TMEM265: variants seen among roughly 807,000 people sequenced by gnomAD.
The protein encoded by TMEM265 is transmembrane protein 265.
In TMEM265, 8 loss-of-function variants were observed where a neutral mutation model predicts 9.5. The ratio of observed to expected loss-of-function variants is 0.84; its 90% confidence interval spans 0.49 to 1.52. The LOEUF (loss-of-function observed/expected upper bound fraction) is 1.52, where lower values mean the gene tolerates loss of function less well. TMEM265 is among the 40% of genes most tolerant of loss of function. The probability of loss-of-function intolerance (pLI) is 0.00; values close to 1 mark genes in which losing one functional copy is unlikely to be tolerated. For missense variants in TMEM265, 152 were observed against 146.2 expected (o/e 1.04, Z -0.21); for synonymous variants, 53 against 56.9 (o/e 0.93, Z 0.31).
chr16:30,742,984 A>C (rs779285144), intron 2 of TMEM265, among the ~76,000 whole-genome samples: 2 of 152,150 alleles, frequency 1.3e-5, no homozygotes, highest in Non-Finnish European at 2.9e-5. Context: ...TACACAGGCT[A>C]ACTTAAACTT....
At chr16:30,741,671 G>A in intron 1 of TMEM265, 70 bp from the exon 2 acceptor site, 1 of 1,445,552 alleles carries the variant, frequency 6.9e-7, no homozygotes, top group Non-Finnish European at 9.2e-7. Context: ...TCTGAGAGGG[G>A]TGGAGTCTGA....
Position 30,744,463 on chromosome 16 carries a change from G to GTACGT in TMEM265, c.*521_*525dup, listed in dbSNP as rs1344669921. 1 of 152,086 alleles carries GTACGT rather than the reference G, an allele frequency of 6.6e-6. No individual in the cohort carries two copies. Among genetic ancestry groups the GTACGT allele is most frequent in the Non-Finnish European group, 1.5e-5 (1 of 68,060 alleles). The allele number at this position is 152,086 out of a possible 1,614,324, so 9.4% of individuals were successfully genotyped here. A position where few individuals can be genotyped will look rare whatever the true frequency, so the allele number is the denominator to read the frequency against. On this transcript the variant is annotated 3_prime_UTR_variant, in exon 3 of 3. Coordinates refer to ENST00000615541, the MANE Select transcript of TMEM265 (RefSeq NM_001256829.2). ...TTGGAAAGACCCCAGCTTCTCCCTTGTACGTCCACAGAGACTCTGAGGCCA... is the reference window on the plus strand; with the variant it reads ...TTGGAAAGACCCCAGCTTCTCCCTTGTACGTTACGTCCACAGAGACTCTGAGGCCA...
Position 30,744,012 on chromosome 16 carries a change from C to A in TMEM265, c.*69C>A. ...CCTGCAATGCGGCATTGCTAAGGTCCTGTGACAGCAGTGGTTGGAAGGATC... is the reference window on the plus strand; with the variant it reads ...CCTGCAATGCGGCATTGCTAAGGTCATGTGACAGCAGTGGTTGGAAGGATC... On this transcript the variant is annotated 3_prime_UTR_variant, in exon 3 of 3. Coordinates refer to ENST00000615541, the MANE Select transcript of TMEM265 (RefSeq NM_001256829.2). The A allele has an allele frequency of 6.8e-7, 1 of 1,466,514 alleles. No homozygotes were observed. Among genetic ancestry groups the A allele is most frequent in the Non-Finnish European group, 9.1e-7 (1 of 1,104,306 alleles). The allele number at this position is 1,466,514 out of a possible 1,614,324, so 90.8% of individuals were successfully genotyped here.
At chr16:30,743,247 G>A (rs569142655) in intron 2 of TMEM265, among the ~76,000 whole-genome samples, 14 of 152,100 alleles carry the variant, frequency 9.2e-5, no homozygotes, top group Non-Finnish European at 1.8e-4. Context: ...TTAGCTGGGC[G>A]TGGTGGCACG....
rs1244931849 is a variant in TMEM265, at chr16:30,741,889, C to T, written c.146C>T (p.Ala49Val). The change falls in exon 2 of 3, where the codon GCT becomes GTT. Residue 49 changes from alanine to valine, a missense_variant. Physicochemically the swap from Ala to Val is moderately conservative, Grantham distance 64. Transcript: ENST00000615541. ...GGCTGCTCTTGCCTGGGAGTCATGG[C>T]TCTGGTGTTTGCCATCAAGGTGAGG... Reference protein sequence around the residue: ...ICGCSCLGVMALVFAIKAEER... With the variant: ...ICGCSCLGVMVLVFAIKAEER... 7 of 1,533,786 alleles carry T rather than the reference C, an allele frequency of 4.6e-6. No homozygotes were observed. The East Asian group carries it at 1.2e-4, about 27-fold the overall frequency.
At chr16:30,741,671 G>C (rs566744857) in intron 1 of TMEM265, 70 bp from the exon 2 acceptor site, 2 of 1,445,552 alleles carry the variant, frequency 1.4e-6, no homozygotes, top group Non-Finnish European at 1.8e-6. Context: ...TCTGAGAGGG[G>C]TGGAGTCTGA....
Position 30,744,162 on chromosome 16 carries a change from C to A in TMEM265, c.*219C>A. On this transcript the variant is annotated 3_prime_UTR_variant, in exon 3 of 3. Coordinates refer to ENST00000615541, the MANE Select transcript of TMEM265 (RefSeq NM_001256829.2). ...GCCTGCTCTGTTCTTTCAGGGCCCC[C>A]CACCCCCATCTCCCCTACCCTAGCC... 1 of 484,602 alleles carries A rather than the reference C, an allele frequency of 2.1e-6. No homozygotes were observed. The allele number at this position is 484,602 out of a possible 1,614,324, so 30.0% of individuals were successfully genotyped here.
Position 30,744,780 on chromosome 16 carries a change from C to G in TMEM265, c.*837C>G, listed in dbSNP as rs139433884. On this transcript the variant is annotated 3_prime_UTR_variant, in exon 3 of 3. Coordinates refer to ENST00000615541, the MANE Select transcript of TMEM265 (RefSeq NM_001256829.2). Reference sequence around the variant, plus strand: ...GAGACTGAACCCAGACAGTTTGGTTCCAGAGCTGAGAGAGGAGTGAAAGAG... The same window carrying G: ...GAGACTGAACCCAGACAGTTTGGTTGCAGAGCTGAGAGAGGAGTGAAAGAG... 3.3e-4 allele frequency: 51 copies of G among 152,316 alleles called. No homozygotes were observed. The highest frequency in any genetic ancestry group is 1.2e-3 in the African/African-American group (51 of 41,558). 9.4% of individuals were successfully genotyped at this position (152,316 alleles called of 1,614,324 possible).
In TMEM265 at chr16:30,744,271, T is replaced by G; in HGVS notation, c.*328T>G. ...TTCATTTTGTAATAAAAGCCTTTTT[T>G]AGTGGTGAAATACTCCTGTCTAATT... is the stretch of plus-strand genomic sequence containing the variant. On this transcript the variant is annotated 3_prime_UTR_variant, in exon 3 of 3. Transcript: ENST00000615541. The G allele has an allele frequency of 9.7e-6, 2 of 206,166 alleles. No homozygotes were observed. Among genetic ancestry groups the G allele is most frequent in the Non-Finnish European group, 1.9e-5 (2 of 104,236 alleles). 12.8% of individuals were successfully genotyped at this position (206,166 alleles called of 1,614,324 possible).
rs1460066366 is a variant in TMEM265, at chr16:30,745,058, C to T, written c.*1115C>T. The T allele has an allele frequency of 6.6e-6, 1 of 152,218 alleles. No individual in the cohort carries two copies. Among genetic ancestry groups the T allele is most frequent in the African/African-American group, 2.4e-5 (1 of 41,446 alleles). The allele number at this position is 152,218 out of a possible 1,614,324, so 9.4% of individuals were successfully genotyped here. On this transcript the variant is annotated 3_prime_UTR_variant, in exon 3 of 3. Transcript: ENST00000615541. ...TCCTTTATACTCCTCCCAATCACTG[C>T]TACTTCCTTTCTTCCCACAGGTAAC...
intron 2 of TMEM265, 28 bp from the exon 3 acceptor site, chr16:30,743,754 G>T: frequency 6.7e-7 from 1 of 1,501,256 alleles, no homozygotes; most frequent in Non-Finnish European, 8.9e-7. Context: ...AGCAGGGGGA[G>T]AACCTAACCA....
intron 2 of TMEM265, among the ~76,000 whole-genome samples, chr16:30,742,794 T>C (rs1266883034): frequency 2.7e-5 from 4 of 150,630 alleles, no homozygotes; most frequent in African/African-American, 9.8e-5. Context: ...GGCGTGATGG[T>C]GCGTGCCTGT....
chr16:30,742,936 AAAAC>A (rs1256587148), intron 2 of TMEM265, among the ~76,000 whole-genome samples: 4 of 148,002 alleles, frequency 2.7e-5, no homozygotes, highest in African/African-American at 7.9e-5. Context: ...AAAAAAAAAA[AAAAC>A]AAAAAAAAAC....
intron 2 of TMEM265, among the ~76,000 whole-genome samples, chr16:30,742,221 G>A (rs2053231063): frequency 6.6e-6 from 1 of 152,070 alleles, no homozygotes; most frequent in Non-Finnish European, 1.5e-5. Flanking sequence ...TGACTGGAAA[G>A]GCATCCTAGG....
At chr16:30,742,937 A>C (rs970506635) in intron 2 of TMEM265, among the ~76,000 whole-genome samples, 8 of 147,940 alleles carry the variant, frequency 5.4e-5, no homozygotes, top group South Asian at 4.1e-4. Context: ...AAAAAAAAAA[A>C]AACAAAAAAA....
In TMEM265 at chr16:30,743,211, A is replaced by AC. The variant is rs2053235812; in HGVS notation, c.166-567dup. Among the ~76,000 whole-genome samples, 4 of 151,894 alleles carry AC rather than the reference A, an allele frequency of 2.6e-5. No individual in the cohort carries two copies. In the South Asian group the frequency reaches 8.3e-4, roughly 32 times the overall value. ...AGACCAGCCTGACCAACATGGTGAA[A>AC]CCCCGTCTCTACTAAAAATACAAAA... On this transcript the variant is annotated intron_variant, in intron 2 of 2. Transcript: ENST00000615541.
intron 2 of TMEM265, 120 bp from the exon 3 acceptor site, chr16:30,743,662 G>GAGGT: frequency 8.3e-7 from 1 of 1,210,318 alleles, no homozygotes; most frequent in Non-Finnish European, 1.1e-6. Context: ...ACTGGAAAGG[G>GAGGT]AGGTAGAGGG....
chr16:30,742,812 GCT>G (rs200148070), intron 2 of TMEM265, among the ~76,000 whole-genome samples: 1,998 of 151,280 alleles, frequency 0.013, 50 homozygotes, highest in African/African-American at 0.045. Flanking sequence ...TGTAATCCCA[GCT>G]ACTGGGGAGG....
At position 30,743,944 on chromosome 16, in the gene TMEM265, C is replaced by T; in HGVS notation, c.*1C>T. The T allele has an allele frequency of 2.0e-6, 3 of 1,532,850 alleles. No individual in the cohort carries two copies. The highest frequency in any genetic ancestry group is 8.7e-7 in the Non-Finnish European group (1 of 1,146,076). The allele number at this position is 1,532,850 out of a possible 1,614,324, so 95.0% of individuals were successfully genotyped here. Reference sequence around the variant, plus strand: ...CTACGCCATCGCTCAGGCTGAGTGACCCTGGATGGCCTCTGCTGAGAGCCA... The same window carrying T: ...CTACGCCATCGCTCAGGCTGAGTGATCCTGGATGGCCTCTGCTGAGAGCCA... On this transcript the variant is annotated 3_prime_UTR_variant, in exon 3 of 3. Coordinates refer to ENST00000615541, the MANE Select transcript of TMEM265 (RefSeq NM_001256829.2).
Sources: allele counts gnomAD v4.1 joint callset (sites outside exome capture counted in the v4.1 genomes callset), GRCh38; gene constraint gnomAD v4.1.1; transcripts MANE v1.5; gene names NCBI Gene and HGNC (gene_info 2026-07-23, HGNC 2026-07-21).